The following COL17A1 variants were observed in gnomAD, a reference collection of about 807,000 sequenced individuals.
COL17A1 encodes collagen type XVII alpha 1 chain, also known as collagen alpha-1(XVII) chain.
COL17A1 carries 181 observed loss-of-function variants against 218.4 expected under a neutral mutation model. That is an observed-to-expected ratio of 0.83 (90% CI 0.73 to 0.94). COL17A1 has a LOEUF of 0.94. COL17A1 is among the 40% of genes least tolerant of loss of function. COL17A1 has a pLI of 0.00. For synonymous variants in COL17A1, 721 were observed against 731.0 expected (o/e 0.99, Z 0.22); for missense variants, 1,924 against 1,945.9 (o/e 0.99, Z 0.21).
chr10:104,034,373 T>C, intron 51 of COL17A1, 39 bp from the exon 52 acceptor site: 1 of 1,531,802 alleles, frequency 6.5e-7, no homozygotes, highest in Non-Finnish European at 8.7e-7. Flanking sequence ...AGCTCAGATC[T>C]CGGTGGAGAG....
At chr10:104,063,921 T>A (rs1481170329) in intron 10 of COL17A1, 103 bp from the exon 11 acceptor site, 2 of 1,536,284 alleles carry the variant, frequency 1.3e-6, no homozygotes. Flanking sequence ...AGGATTGGGT[T>A]TTTATATTTT....
intron 39 of COL17A1, among the ~76,000 whole-genome samples, 160 bp from the exon 40 acceptor site, chr10:104,040,570 GTGGATGGA>G (rs56889497): frequency 4.0e-5 from 6 of 150,016 alleles, no homozygotes; most frequent in African/African-American, 1.2e-4. Flanking sequence ...GGGCGGGTGG[GTGGATGGA>G]TGGATGGATG....
chr10:104,046,498 G>C (rs1412771631), intron 32 of COL17A1, among the ~76,000 whole-genome samples: 1 of 152,136 alleles, frequency 6.6e-6, no homozygotes, highest in East Asian at 1.9e-4. Flanking sequence ...TGCACCCGAG[G>C]GGAACAGGGC....
chr10:104,033,624 T>C (rs905864473), intron 52 of COL17A1, among the ~76,000 whole-genome samples: 2 of 152,188 alleles, frequency 1.3e-5, no homozygotes, highest in African/African-American at 4.8e-5. Context: ...GGGAAAGGAC[T>C]CTTAGCCAAC....
rs371590546 is a variant in COL17A1, at chr10:104,034,710, C to G, written c.3677G>C (p.Arg1226Pro). The change falls in exon 51 of 56, where the codon CGA becomes CCA. Residue 1226 changes from arginine (R) to proline (P), a missense_variant. Arg to Pro is a moderately radical substitution (Grantham distance 103). Coordinates refer to ENST00000648076, the MANE Select transcript of COL17A1 (RefSeq NM_000494.4). ...GGCTCCTGAGACACCCGGGGGCCCT[C>G]GAGGCCCTGGGGGACCAGGAGGTCC... ...PPGPPGPPGPRGPPGVSGALA... is the reference protein window; with the variant it reads ...PPGPPGPPGPPGPPGVSGALA... The G allele has an allele frequency of 3.7e-6, 6 of 1,610,684 alleles. No individual in the cohort carries two copies. Among genetic ancestry groups the G allele is most frequent in the Middle Eastern group, 1.7e-4 (1 of 6,056 alleles).
At chr10:104,075,536 C>T (rs1265392560) in intron 5 of COL17A1, among the ~76,000 whole-genome samples, 1 of 152,172 alleles carries the variant, frequency 6.6e-6, no homozygotes, top group African/African-American at 2.4e-5. Flanking sequence ...TCTGGATGAC[C>T]GAGGATTTCT....
At chr10:104,043,928 T>G in intron 33 of COL17A1, 68 bp from the exon 34 acceptor site, 1 of 1,560,228 alleles carries the variant, frequency 6.4e-7, no homozygotes, top group Non-Finnish European at 8.8e-7. Flanking sequence ...TAAGCCATTT[T>G]CAAGGCTTCT....
chr10:104,071,030 A>G (rs2086665420), intron 8 of COL17A1, among the ~76,000 whole-genome samples: 1 of 152,174 alleles, frequency 6.6e-6, no homozygotes, highest in Non-Finnish European at 1.5e-5. Flanking sequence ...TAACTCCTAA[A>G]TATTATGCTG....
chr10:104,065,520 G>C (rs2099435392), intron 9 of COL17A1, among the ~76,000 whole-genome samples: 1 of 152,236 alleles, frequency 6.6e-6, no homozygotes, highest in South Asian at 2.1e-4. Flanking sequence ...CACAAGGGCA[G>C]TGACTGTGTC....
chr10:104,046,795 A>G (rs1159711016), intron 31 of COL17A1, 22 bp from the exon 32 acceptor site: 1 of 1,613,250 alleles, frequency 6.2e-7, no homozygotes, highest in South Asian at 1.1e-5. Flanking sequence ...CAGACACAAG[A>G]GGGAAGAGTT....
At chr10:104,052,041 C>T in intron 24 of COL17A1, 114 bp downstream of exon 24, 2 of 1,414,530 alleles carry the variant, frequency 1.4e-6, no homozygotes, top group Admixed American at 1.7e-5. Flanking sequence ...CCTGCACAGG[C>T]CTGGGGCAGG....
chr10:104,065,781 T>C (rs894383966), intron 9 of COL17A1, among the ~76,000 whole-genome samples: 1 of 152,210 alleles, frequency 6.6e-6, no homozygotes, highest in Admixed American at 6.5e-5. Context: ...GAGAAGGTGC[T>C]CAGTGCTTTT....
intron 36 of COL17A1, among the ~76,000 whole-genome samples, chr10:104,042,139 G>A (rs576234929): frequency 5.6e-4 from 85 of 152,258 alleles, no homozygotes; most frequent in African/African-American, 1.8e-3. Flanking sequence ...ACCCACAGAC[G>A]GTTGTCATTG....
chr10:104,047,852 A>C (rs762174108), intron 30 of COL17A1, 42 bp from the exon 31 acceptor site: 1 of 1,548,644 alleles, frequency 6.5e-7, no homozygotes, highest in Non-Finnish European at 8.9e-7. Flanking sequence ...TACATTTAGG[A>C]AAGCTAAACT....
At position 104,050,318 on chromosome 10, in the gene COL17A1, C is replaced by T. The variant is rs112441188; in HGVS notation, c.2129-194G>A. On this transcript the variant is annotated intron_variant, in intron 27 of 55. Coordinates refer to ENST00000648076, the MANE Select transcript of COL17A1 (RefSeq NM_000494.4). Reference sequence around the variant, plus strand: ...GATCTTTGGCAGAGTCAGTTCCCCCCCTACAAACTGACTCCCCAGCCCCTG... The same window carrying T: ...GATCTTTGGCAGAGTCAGTTCCCCCTCTACAAACTGACTCCCCAGCCCCTG... 3.2e-3 allele frequency among the ~76,000 whole-genome samples: 489 copies of T among 152,300 alleles called. 4 individuals are homozygous for T. The highest frequency in any genetic ancestry group is 0.011 in the African/African-American group (460 of 41,556).
In COL17A1 at chr10:104,057,149, C is replaced by A; in HGVS notation, c.1291G>T (p.Gly431Cys). Residue 431 changes from glycine to cysteine, a missense_variant, in exon 17 of 56, where the codon GGT becomes TGT. Transcript: ENST00000648076. ...CCACCTCCTCCACTGCCACCACCAC[C>A]ACTGCTGCCGTAGCTGTGGATATCT... is the stretch of plus-strand genomic sequence containing the variant. ...TADIHSYGSS[G>C]GGGSGGGGGV... The A allele has an allele frequency of 1.9e-6, 3 of 1,613,944 alleles. 1 individual carries two copies. Among genetic ancestry groups the A allele is most frequent in the South Asian group, 2.2e-5 (2 of 91,082 alleles).
intron 41 of COL17A1, 28 bp downstream of exon 41, chr10:104,039,945 G>T: frequency 6.2e-7 from 1 of 1,614,146 alleles, no homozygotes; most frequent in Non-Finnish European, 8.5e-7. Context: ...CCTACCCCAG[G>T]TTTTGTTTGA....
At chr10:104,057,976 C>T (rs2086547054) in intron 16 of COL17A1, among the ~76,000 whole-genome samples, 170 bp downstream of exon 16, 1 of 152,214 alleles carries the variant, frequency 6.6e-6, no homozygotes. Context: ...CACAGCCTGC[C>T]ACTCCCCTGA....
chr10:104,082,457 G>A (rs2086773242), intron 1 of COL17A1, among the ~76,000 whole-genome samples: 1 of 152,180 alleles, frequency 6.6e-6, no homozygotes, highest in African/African-American at 2.4e-5. Flanking sequence ...TGGATCAGGA[G>A]GCATTTGGGG....
Sources: gnomAD v4.1 joint callset for allele counts (sites outside exome capture counted in the v4.1 genomes callset) on GRCh38, gnomAD v4.1.1 for gene constraint, MANE v1.5 for transcripts, NCBI Gene and HGNC (gene_info 2026-07-23, HGNC 2026-07-21) for gene names.